SMYD3: variants seen among roughly 807,000 people sequenced by gnomAD.
The protein encoded by SMYD3 is SET and MYND domain containing 3, also known as histone-lysine N-methyltransferase SMYD3.
SMYD3 carries 36 observed loss-of-function variants against 57.7 expected under a neutral mutation model. The observed-to-expected ratio is 0.62, with a 90% CI of 0.48 to 0.82. SMYD3 has a LOEUF of 0.82. Among genes scored for constraint, SMYD3 ranks in the 40% least tolerant of loss-of-function variants. SMYD3 has a pLI of 0.00. For synonymous variants in SMYD3, 211 were observed against 195.0 expected (o/e 1.08, Z -0.68); for missense variants, 515 against 538.8 (o/e 0.96, Z 0.44).
At chr1:246,383,927 A>C (rs945293861) in intron 1 of SMYD3, among the ~76,000 whole-genome samples, 7 of 152,232 alleles carry the variant, frequency 4.6e-5, no homozygotes, top group African/African-American at 1.7e-4. Context: ...GTGCAAGATA[A>C]ACAGAAACAT....
Position 245,940,444 on chromosome 1 carries a change from T to C in SMYD3, c.532-10507A>G, listed in dbSNP as rs569076408. On this transcript the variant is annotated intron_variant, in intron 5 of 11. Transcript: ENST00000490107. ...CCAGAGGAAGGGGCAGGCAGCCATC[T>C]GTGCTATTCTGCAGCCTCCACTGGT... Among the ~76,000 whole-genome samples the C allele has an allele frequency of 2.4e-3, 364 of 152,322 alleles. 2 individuals carry two copies. The highest frequency in any genetic ancestry group is 3.4e-3 in the Non-Finnish European group (230 of 68,024).
intron 10 of SMYD3, among the ~76,000 whole-genome samples, chr1:245,810,344 G>A (rs904887202): frequency 6.6e-6 from 1 of 152,152 alleles, no homozygotes; most frequent in South Asian, 2.1e-4. Context: ...TCCCTCCCCT[G>A]GGGATGACCC....
At chr1:245,877,252 G>C (rs947693535) in intron 8 of SMYD3, among the ~76,000 whole-genome samples, 6 of 152,144 alleles carry the variant, frequency 3.9e-5, no homozygotes, top group African/African-American at 1.4e-4. Context: ...AAGCTGAAGG[G>C]CTACTTCAGA....
chr1:245,889,249 T>C (rs1475001735), intron 8 of SMYD3, among the ~76,000 whole-genome samples: 1 of 152,238 alleles, frequency 6.6e-6, no homozygotes, highest in Non-Finnish European at 1.5e-5. Context: ...GAAAATGTAC[T>C]TTTTGAGAAA....
intron 1 of SMYD3, among the ~76,000 whole-genome samples, chr1:246,466,893 C>T (rs1462306324): frequency 6.6e-6 from 1 of 151,592 alleles, no homozygotes; most frequent in Non-Finnish European, 1.5e-5. Flanking sequence ...AAATGCTGGG[C>T]GCAGTGGCTC....
intron 5 of SMYD3, among the ~76,000 whole-genome samples, chr1:246,041,642 G>A (rs755455966): frequency 6.6e-6 from 1 of 152,126 alleles, no homozygotes; most frequent in Non-Finnish European, 1.5e-5. Context: ...AGTAGGTAAC[G>A]CTAAAGGAAG....
chr1:246,383,170 G>T (rs752245791), intron 1 of SMYD3, among the ~76,000 whole-genome samples: 1 of 152,208 alleles, frequency 6.6e-6, no homozygotes, highest in African/African-American at 2.4e-5. Flanking sequence ...CTCAGGAGGC[G>T]GAAAGAAGGC....
intron 5 of SMYD3, among the ~76,000 whole-genome samples, chr1:246,032,012 A>C (rs34522419): frequency 0.27 from 41,433 of 152,012 alleles, 6,817 homozygotes; most frequent in African/African-American, 0.45. Flanking sequence ...TACACCCTCG[A>C]AGCAACGTGC....
intron 5 of SMYD3, among the ~76,000 whole-genome samples, chr1:246,236,636 G>A (rs992300641): frequency 6.6e-5 from 10 of 151,836 alleles, no homozygotes; most frequent in Admixed American, 2.0e-4. Flanking sequence ...GGATGGTCTC[G>A]ATCTCCTGAC....
At chr1:245,857,911 C>G (rs1307924998) in intron 10 of SMYD3, among the ~76,000 whole-genome samples, 3 of 152,184 alleles carry the variant, frequency 2.0e-5, no homozygotes, top group Admixed American at 6.5e-5. Flanking sequence ...GAGCTGAGAT[C>G]AGTCAAGAAG....
chr1:246,100,545 G>T (rs12565784), intron 5 of SMYD3, among the ~76,000 whole-genome samples: 1 of 152,116 alleles, frequency 6.6e-6, no homozygotes, highest in Admixed American at 6.5e-5. Flanking sequence ...GCTTGCTGAC[G>T]CTCAGGACTG....
intron 5 of SMYD3, among the ~76,000 whole-genome samples, chr1:246,132,021 T>C (rs529483068): frequency 6.6e-6 from 1 of 152,190 alleles, no homozygotes; most frequent in East Asian, 1.9e-4. Context: ...AAAATGAATG[T>C]TGAAATTCAA....
chr1:245,858,589 A>G lies in SMYD3; in HGVS notation c.983T>C (p.Leu328Pro). The change falls in exon 10 of 12, where the codon CTG becomes CCG. Residue 328 changes from leucine to proline, a missense_variant. Leu to Pro is a moderately conservative substitution (Grantham distance 98). Transcript: ENST00000490107. ...ERLPDINIYQLKVLDCAMDAC... is the reference protein window; with the variant it reads ...ERLPDINIYQPKVLDCAMDAC... ...ATCCATGGCGCAGTCGAGCACCTTC[A>G]GCTGGTAGATGTTGATATCGGGAAG... The G allele has an allele frequency of 6.2e-7, 1 of 1,614,240 alleles. No homozygotes were observed. The highest frequency in any genetic ancestry group is 8.5e-7 in the Non-Finnish European group (1 of 1,180,044).
intron 5 of SMYD3, among the ~76,000 whole-genome samples, chr1:246,299,489 T>G (rs4654236): frequency 0.3 from 45,596 of 151,976 alleles, 8,027 homozygotes; most frequent in African/African-American, 0.46. Flanking sequence ...ATCCCATTAC[T>G]GACACATACC....
chr1:245,933,558 C>T (rs1030015695), intron 5 of SMYD3, among the ~76,000 whole-genome samples: 1 of 152,150 alleles, frequency 6.6e-6, no homozygotes, highest in African/African-American at 2.4e-5. Flanking sequence ...AAAACAACTA[C>T]AGTGAAACTT....
chr1:245,785,697 G>C (rs2047011485), intron 10 of SMYD3, among the ~76,000 whole-genome samples: 1 of 151,956 alleles, frequency 6.6e-6, no homozygotes, highest in African/African-American at 2.4e-5. Context: ...AAGAGAGAGA[G>C]CAAGAGAGAG....
At chr1:246,491,263 C>T (rs1040261653) in intron 1 of SMYD3, among the ~76,000 whole-genome samples, 1 of 152,108 alleles carries the variant, frequency 6.6e-6, no homozygotes, top group Non-Finnish European at 1.5e-5. Flanking sequence ...GTCAGCCGGG[C>T]GCGGTGGATC....
At chr1:245,986,866 T>C (rs2058715953) in intron 5 of SMYD3, among the ~76,000 whole-genome samples, 1 of 152,250 alleles carries the variant, frequency 6.6e-6, no homozygotes, top group Non-Finnish European at 1.5e-5. Flanking sequence ...AAAACTGGTA[T>C]AGGTGGATAC....
intron 1 of SMYD3, among the ~76,000 whole-genome samples, chr1:246,470,069 C>T (rs572295896): frequency 9.2e-5 from 14 of 152,234 alleles, no homozygotes; most frequent in African/African-American, 3.1e-4. Context: ...AAATCTAATT[C>T]GGTTTTTTTA....
Sources: gnomAD v4.1 joint callset for allele counts (sites outside exome capture counted in the v4.1 genomes callset) on GRCh38, gnomAD v4.1.1 for gene constraint, MANE v1.5 for transcripts, NCBI Gene and HGNC (gene_info 2026-07-23, HGNC 2026-07-21) for gene names.